MTCL1: variants seen among roughly 807,000 people sequenced by gnomAD.
The protein encoded by MTCL1 is microtubule cross-linking factor 1.
MTCL1 carries 79 observed loss-of-function variants against 141.4 expected under a neutral mutation model. The observed-to-expected ratio is 0.56, with a 90% CI of 0.47 to 0.67. The LOEUF (loss-of-function observed/expected upper bound fraction) is 0.67. Among genes scored for constraint, MTCL1 ranks in the 30% least tolerant of loss-of-function variants. The pLI is 0.00. For missense variants in MTCL1, 2,177 were observed against 2,113.9 expected (o/e 1.03, Z -0.59); for synonymous variants, 914 against 875.8 (o/e 1.04, Z -0.77).
At chr18:8,789,317 C>A in intron 7 of MTCL1, 1 of 760,376 alleles carries the variant, frequency 1.3e-6, no homozygotes, top group Non-Finnish European at 1.6e-6. Context: ...GGTTGCAAAA[C>A]TGGCCAGGAC....
intron 4 of MTCL1, among the ~76,000 whole-genome samples, chr18:8,729,959 T>G (rs921817256): frequency 8.5e-5 from 13 of 152,228 alleles, no homozygotes; most frequent in African/African-American, 2.9e-4. Flanking sequence ...TGTGATCCAT[T>G]TTGAATTAAT....
At chr18:8,718,085 C>T (rs1263962725) in intron 2 of MTCL1, 14 of 712,312 alleles carry the variant, frequency 2.0e-5, no homozygotes, top group Non-Finnish European at 2.7e-5. Context: ...AGGCTTAGGT[C>T]AATGTTTGGT....
chr18:8,826,153 G>C, exon 15 of MTCL1: 1 of 1,613,324 alleles, frequency 6.2e-7, no homozygotes, highest in Non-Finnish European at 8.5e-7. Flanking sequence ...GAGGAGAGGA[G>C]GCAGGCTGCC....
intron 4 of MTCL1, among the ~76,000 whole-genome samples, chr18:8,763,986 G>A (rs1256762285): frequency 2.6e-5 from 4 of 152,102 alleles, no homozygotes; most frequent in Admixed American, 2.6e-4. Flanking sequence ...GGTGAAGTTA[G>A]GGTTCTAAAT....
At chr18:8,768,789 C>CTTTTTTT (rs773958752) in intron 4 of MTCL1, among the ~76,000 whole-genome samples, 22 of 117,890 alleles carry the variant, frequency 1.9e-4, no homozygotes, top group African/African-American at 3.2e-4. Flanking sequence ...CTTTTCTTCT[C>CTTTTTTT]TTTTTTTTTT....
intron 4 of MTCL1, among the ~76,000 whole-genome samples, chr18:8,754,625 T>TTA (rs1249741043): frequency 3.3e-5 from 5 of 152,224 alleles, no homozygotes; most frequent in African/African-American, 1.2e-4. Context: ...TGATGGAATC[T>TTA]TATGATAGAT....
At chr18:8,829,606 GAA>G in intron 16 of MTCL1, 1 of 985,336 alleles carries the variant, frequency 1.0e-6, no homozygotes, top group South Asian at 4.7e-5. Flanking sequence ...AAGCACATGA[GAA>G]AAGATATACT....
chr18:8,796,991 A>G (rs1173566864), intron 9 of MTCL1, among the ~76,000 whole-genome samples: 1 of 152,232 alleles, frequency 6.6e-6, no homozygotes, highest in African/African-American at 2.4e-5. Flanking sequence ...TTGGTCCAAG[A>G]AATGGAAATG....
In MTCL1 at chr18:8,705,981, G is replaced by A; in HGVS notation, c.321G>A (p.Ala107=). The change falls in exon 1 of 14, where the codon GCG becomes GCA. Residue 107 remains alanine, a synonymous_variant. Coordinates refer to the MTCL1 transcript ENST00000306329. This position sits in a 1 kb window ranked among gnomAD's most constrained non-coding sequence, Gnocchi z 5.2. ...GGCGCAGTGGCGGCGTCCCGGGCGC[G>A]AAGGACAAGCCCCCGCCGGGCGCCG... is the stretch of plus-strand genomic sequence containing the variant. The A allele has an allele frequency of 1.8e-6, 2 of 1,139,274 alleles. No individual in the cohort carries two copies. Among genetic ancestry groups the A allele is most frequent in the Non-Finnish European group, 2.1e-6 (2 of 930,326 alleles). 70.6% of individuals were successfully genotyped at this position (1,139,274 alleles called of 1,614,324 possible). A position where few individuals can be genotyped will look rare whatever the true frequency, so the allele number is the denominator to read the frequency against.
intron 4 of MTCL1, among the ~76,000 whole-genome samples, chr18:8,727,612 G>A (rs1007693391): frequency 6.6e-5 from 10 of 152,118 alleles, no homozygotes; most frequent in African/African-American, 2.4e-4. Flanking sequence ...GTCTGTTCAT[G>A]TCCTTTGCAT....
chr18:8,765,479 A>G (rs2096455490), intron 4 of MTCL1, among the ~76,000 whole-genome samples: 1 of 152,230 alleles, frequency 6.6e-6, no homozygotes. Flanking sequence ...CCCTAGAGCA[A>G]GAGCCTCCTC....
chr18:8,776,826 A>T (rs1485107250), intron 4 of MTCL1, among the ~76,000 whole-genome samples: 1 of 151,992 alleles, frequency 6.6e-6, no homozygotes, highest in Non-Finnish European at 1.5e-5. Context: ...TATAGGCCTG[A>T]TCATAGCTCA....
At chr18:8,706,138 C>A (rs2096057808) in exon 1 of MTCL1, 1 of 1,217,636 alleles carries the variant, frequency 8.2e-7, no homozygotes, top group Non-Finnish European at 1.0e-6. Flanking sequence ...TGCCAAGGGC[C>A]GCAAAGCCAA....
chr18:8,820,394 A>G (rs1338768205), intron 13 of MTCL1, among the ~76,000 whole-genome samples: 2 of 152,040 alleles, frequency 1.3e-5, no homozygotes, highest in Admixed American at 1.3e-4. Context: ...TGGGCGACAG[A>G]GCAAGACTCC....
At chr18:8,820,650 T>C (rs576232606) in intron 13 of MTCL1, among the ~76,000 whole-genome samples, 1 of 152,308 alleles carries the variant, frequency 6.6e-6, no homozygotes, top group Non-Finnish European at 1.5e-5. Context: ...TTGGCAATCT[T>C]ATACAGTCCG....
At chr18:8,737,524 T>G (rs558119213) in intron 4 of MTCL1, among the ~76,000 whole-genome samples, 2 of 152,310 alleles carry the variant, frequency 1.3e-5, no homozygotes, top group East Asian at 3.9e-4. Flanking sequence ...TTGAAACTCT[T>G]CTCAGAACCT....
At chr18:8,829,370 G>T in intron 16 of MTCL1, 1 of 985,420 alleles carries the variant, frequency 1.0e-6, no homozygotes, top group Non-Finnish European at 1.2e-6. Context: ...GCACTGGCAT[G>T]TGCTGAAATG....
At chr18:8,752,950 G>C (rs935086493) in intron 4 of MTCL1, among the ~76,000 whole-genome samples, 8 of 152,196 alleles carry the variant, frequency 5.3e-5, no homozygotes, top group African/African-American at 1.9e-4. Flanking sequence ...ACAGGCAAAT[G>C]CGTGGAGACG....
intron 7 of MTCL1, chr18:8,789,458 G>A: frequency 2.0e-6 from 2 of 985,454 alleles, no homozygotes; most frequent in Non-Finnish European, 2.4e-6. Context: ...TTGAGATTGT[G>A]AAGTTATCTT....
Sources: allele counts gnomAD v4.1 joint callset (sites outside exome capture counted in the v4.1 genomes callset), GRCh38; gene constraint gnomAD v4.1.1; non-coding constraint Gnocchi (gnomAD v3.1); transcripts MANE v1.5; gene names NCBI Gene and HGNC (gene_info 2026-07-23, HGNC 2026-07-21).